Variants in MAGED1 observed in about 807,000 individuals in gnomAD.
MAGED1 encodes the protein MAGE family member D1.
A neutral mutation model predicts 54.1 loss-of-function variants in MAGED1; 3 were observed. That is an observed-to-expected ratio of 0.06 (90% confidence interval 0.03 to 0.14). MAGED1 has a LOEUF of 0.14. MAGED1 is among the 10% of genes least tolerant of loss of function. The pLI is 1.00. For missense variants in MAGED1, 485 were observed against 623.4 expected, an observed-to-expected ratio of 0.78 and a Z score of 2.36; for synonymous variants, 217 against 227.3, an observed-to-expected ratio of 0.95 and a Z score of 0.41.
chrX:51,894,998 C>T, intron 2 of MAGED1, 55 bp from the exon 3 acceptor site: 1 of 1,053,382 alleles, frequency 9.5e-7, no homozygotes, highest in Admixed American at 2.8e-5. Flanking sequence ...TATTCCCACC[C>T]CACCTCCTGC....
At chrX:51,860,871 C>A (rs1927259349) in intron 1 of MAGED1, among the ~76,000 whole-genome samples, 1 of 110,675 alleles carries the variant, frequency 9.0e-6, no homozygotes, top group South Asian at 3.9e-4. Flanking sequence ...TCTTGTTCTG[C>A]CCTCTTGTGG....
chrX:51,820,230 G>A (rs375817198), intron 1 of MAGED1, among the ~76,000 whole-genome samples: 8 of 111,404 alleles, frequency 7.2e-5, no homozygotes, highest in African/African-American at 2.0e-4. Context: ...TTTGTTCCAC[G>A]TTTTCAAAAG....
intron 1 of MAGED1, among the ~76,000 whole-genome samples, chrX:51,844,008 A>C (rs1340055119): frequency 8.9e-6 from 1 of 112,079 alleles, no homozygotes; most frequent in Non-Finnish European, 1.9e-5. Flanking sequence ...AATCTGTATC[A>C]GCTTGTTAAA....
rs375218963 is a variant in MAGED1, at chrX:51,861,732, A to G, written c.-36-32537A>G. On this transcript the variant is annotated intron_variant, in intron 1 of 12. Transcript: ENST00000375772. Reference sequence around the variant, plus strand: ...AGAGTCTTGCCCTGTCACCCAGGCTATAGTGCAATAGTGCGATCTTGGCTC... The same window carrying G: ...AGAGTCTTGCCCTGTCACCCAGGCTGTAGTGCAATAGTGCGATCTTGGCTC... Among the ~76,000 whole-genome samples the G allele has an allele frequency of 2.7e-5, 3 of 111,499 alleles. No individual in the cohort carries two copies. In the East Asian group the frequency reaches 8.5e-4, roughly 31 times the overall value.
intron 1 of MAGED1, among the ~76,000 whole-genome samples, chrX:51,853,365 T>C (rs1926961975): frequency 8.9e-6 from 1 of 112,352 alleles, no homozygotes; most frequent in Admixed American, 9.4e-5. Context: ...TTTGCTTCTT[T>C]ATCTAATTCA....
chrX:51,817,798 A>G (rs1239969062), intron 1 of MAGED1, among the ~76,000 whole-genome samples: 1 of 112,156 alleles, frequency 8.9e-6, no homozygotes, highest in Non-Finnish European at 1.9e-5. Context: ...CCACTTTTCA[A>G]TACCTACACA....
At chrX:51,883,677 A>C (rs113891277) in intron 1 of MAGED1, among the ~76,000 whole-genome samples, 2 of 112,412 alleles carry the variant, frequency 1.8e-5, no homozygotes, top group Admixed American at 1.9e-4. Flanking sequence ...TCATCTGACA[A>C]AGATTTTTAA....
intron 1 of MAGED1, among the ~76,000 whole-genome samples, chrX:51,828,235 G>A (rs1196145535): frequency 1.8e-5 from 2 of 110,890 alleles, no homozygotes; most frequent in Admixed American, 9.6e-5. Flanking sequence ...CCTGTGTAGT[G>A]TAGGTACCTT....
At chrX:51,866,950 A>G (rs1927478410) in intron 1 of MAGED1, among the ~76,000 whole-genome samples, 1 of 112,175 alleles carries the variant, frequency 8.9e-6, no homozygotes, top group Admixed American at 9.4e-5. Flanking sequence ...AATTTATATG[A>G]TTTCATTGAT....
chrX:51,843,227 GT>G (rs1367870365), intron 1 of MAGED1, among the ~76,000 whole-genome samples: 3 of 111,404 alleles, frequency 2.7e-5, no homozygotes, highest in Non-Finnish European at 3.8e-5. Context: ...GCTCAATAAT[GT>G]CCCCTAAAGG....
intron 1 of MAGED1, among the ~76,000 whole-genome samples, chrX:51,866,107 A>G (rs1927450905): frequency 8.9e-6 from 1 of 112,248 alleles, no homozygotes; most frequent in Non-Finnish European, 1.9e-5. Flanking sequence ...ACAGACTAAT[A>G]TAGAATTTGT....
At chrX:51,882,773 C>T (rs924363855) in intron 1 of MAGED1, among the ~76,000 whole-genome samples, 2 of 111,392 alleles carry the variant, frequency 1.8e-5, no homozygotes, top group Non-Finnish European at 3.8e-5. Flanking sequence ...TCACTGCAAC[C>T]TCCGCCTCCC....
chrX:51,844,869 G>A (rs1223036381), intron 1 of MAGED1, among the ~76,000 whole-genome samples: 1 of 111,589 alleles, frequency 9.0e-6, no homozygotes, highest in East Asian at 2.8e-4. Context: ...GAAAGGGACA[G>A]AGAGAGAATG....
chrX:51,849,032 G>GT (rs2146977351), intron 1 of MAGED1, among the ~76,000 whole-genome samples: 1 of 105,386 alleles, frequency 9.5e-6, no homozygotes, highest in Non-Finnish European at 1.9e-5. Flanking sequence ...AAATTTTATA[G>GT]TTTCCTTTTC....
intron 1 of MAGED1, among the ~76,000 whole-genome samples, chrX:51,816,747 A>AG (rs1375704828): frequency 3.0e-5 from 3 of 98,950 alleles, no homozygotes; most frequent in Non-Finnish European, 6.2e-5. Flanking sequence ...AAAAAAAAAA[A>AG]CAGATATGAG....
intron 1 of MAGED1, among the ~76,000 whole-genome samples, chrX:51,847,712 G>A (rs1926736360): frequency 9.0e-6 from 1 of 111,569 alleles, no homozygotes; most frequent in African/African-American, 3.3e-5. Context: ...TTCTCCCAGT[G>A]GGCAAACTAG....
rs141770812 is a variant in MAGED1 at position 51,897,833 on chromosome X, A to G, written c.1605A>G (p.Glu535=). The G allele has an allele frequency of 4.0e-5, 48 of 1,205,094 alleles. No homozygotes were observed. The African/African-American group carries it at 7.9e-4, about 20-fold the overall frequency. The part of the protein sequence containing the change: ...GIQLKEIDKE[E]HLYILISTPE... The stretch of plus-strand genomic sequence containing the variant: ...AACTGAAAGAAATTGACAAAGAAGA[A>G]CACCTGTATATTCTCATCAGTACCC... The change falls in exon 7 of 13, where the codon GAA becomes GAG. Residue 535 remains glutamate (E), a synonymous_variant. Transcript: ENST00000326587.
intron 1 of MAGED1, among the ~76,000 whole-genome samples, chrX:51,886,975 G>C (rs781835115): frequency 9.1e-6 from 1 of 109,322 alleles, no homozygotes; most frequent in East Asian, 2.9e-4. Flanking sequence ...AGGATCGCTT[G>C]AGCCCAAGAG....
At chrX:51,824,051 C>A (rs1201401191) in intron 1 of MAGED1, among the ~76,000 whole-genome samples, 1 of 111,613 alleles carries the variant, frequency 9.0e-6, no homozygotes, top group Admixed American at 9.5e-5. Flanking sequence ...TTTAAAAAAG[C>A]AACAACTATA....
Sources: allele counts gnomAD v4.1 joint callset (sites outside exome capture counted in the v4.1 genomes callset), GRCh38; gene constraint gnomAD v4.1.1; transcripts MANE v1.5; gene names NCBI Gene and HGNC (gene_info 2026-07-23, HGNC 2026-07-21).